RNF215: variants seen among roughly 807,000 people sequenced by gnomAD.
RNF215 encodes ring finger protein 215.
In RNF215, 41 loss-of-function variants were observed where a neutral mutation model predicts 44.8. The ratio of observed to expected loss-of-function variants is 0.92; its 90% CI spans 0.71 to 1.19. The LOEUF (loss-of-function observed/expected upper bound fraction) is 1.19, where lower values mean the gene tolerates loss of function less well. RNF215 is among the 50% of genes most tolerant of loss of function. The pLI is 0.00. For missense variants in RNF215, 452 were observed against 496.2 expected, an observed-to-expected ratio of 0.91 and a Z score of 0.85; for synonymous variants, 218 against 230.1, an observed-to-expected ratio of 0.95 and a Z score of 0.48.
At chr22:30,379,682 G>A in intron 8 of RNF215, 29 bp downstream of exon 8, 1 of 1,552,590 alleles carries the variant, frequency 6.4e-7, no homozygotes, top group South Asian at 1.2e-5. Flanking sequence ...AGGCAGAGTA[G>A]GCCGAGGGAC....
At position 30,386,773 on chromosome 22, in the gene RNF215, G is replaced by A. The variant is rs767960724; in HGVS notation, c.286-14C>T. On this transcript the variant is annotated splice_polypyrimidine_tract_variant and intron_variant, in intron 1 of 8. Transcript: ENST00000382363. ...CACGATGTCCATCTGTGTGGCAAGG[G>A]GCCATGAGCAGAGGGAGGTAGGGTG... is the stretch of plus-strand genomic sequence containing the variant. 10 of 1,599,604 alleles carry A rather than the reference G, an allele frequency of 6.3e-6. No individual in the cohort carries two copies. The East Asian group carries it at 1.1e-4, about 18-fold the overall frequency.
chr22:30,379,003 T>C lies in RNF215; in HGVS notation c.*597A>G, dbSNP rs1933479257. 2 of 153,266 alleles carry C rather than the reference T, an allele frequency of 1.3e-5. No individual in the cohort carries two copies. The highest frequency in any genetic ancestry group is 2.0e-4 in the South Asian group (1 of 4,898). The allele number at this position is 153,266 out of a possible 1,614,324, so 9.5% of individuals were successfully genotyped here. ...AAGGATTCCAGAACAGGACGGTTTC[T>C]AAGACCTCTGGTCCTAGCCAGGCCC... On this transcript the variant is annotated 3_prime_UTR_variant, in exon 9 of 9. Coordinates refer to ENST00000382363, the MANE Select transcript of RNF215 (RefSeq NM_001017981.2).
At chr22:30,386,796 G>A (rs754126408) in intron 1 of RNF215, 37 bp from the exon 2 acceptor site, 6 of 1,586,672 alleles carry the variant, frequency 3.8e-6, no homozygotes, top group Admixed American at 3.4e-5. Context: ...GGGAGGTAGG[G>A]TGTGGTGGGG....
In RNF215 at chr22:30,378,878, T is replaced by TAA. The variant is rs1933476055; in HGVS notation, c.*721_*722insTT. The stretch of plus-strand genomic sequence containing the variant: ...ATTAAACCTTCCCTACTCCAACTCT[T>TAA]TAAAAAAAAAAAAAAAAAAAAAAAA... On this transcript the variant is annotated 3_prime_UTR_variant, in exon 9 of 9. Coordinates refer to ENST00000382363, the MANE Select transcript of RNF215 (RefSeq NM_001017981.2). 1 of 128,538 alleles carries TAA rather than the reference T, an allele frequency of 7.8e-6. No homozygotes were observed. The highest frequency in any genetic ancestry group is 1.7e-5 in the Non-Finnish European group (1 of 58,748). The allele number at this position is 128,538 out of a possible 1,614,324, so 8.0% of individuals were successfully genotyped here. A position where few individuals can be genotyped will look rare whatever the true frequency, so the allele number is the denominator to read the frequency against.
intron 2 of RNF215, 26 bp from the exon 3 acceptor site, chr22:30,386,167 C>T (rs1300708213): frequency 6.4e-7 from 1 of 1,565,638 alleles, no homozygotes; most frequent in South Asian, 1.2e-5. Context: ...AGGCGAGAGG[C>T]TAGCATATAC....
intron 5 of RNF215, among the ~76,000 whole-genome samples, chr22:30,383,968 A>G (rs5753112): frequency 0.5 from 75,696 of 152,040 alleles, 18,959 homozygotes; most frequent in Middle Eastern, 0.62. Context: ...GCCTGGGCAT[A>G]TGCAGTCATT....
In RNF215 at chr22:30,387,231, G is replaced by GGCAGCAGCA. The variant is rs770328641; in HGVS notation, c.74_82dup (p.Leu25_Leu27dup). 23 of 1,000,984 alleles carry GGCAGCAGCA rather than the reference G, an allele frequency of 2.3e-5. No individual in the cohort carries two copies. The highest frequency in any genetic ancestry group is 1.7e-5 in the African/African-American group (1 of 57,262). 62.0% of individuals were successfully genotyped at this position (1,000,984 alleles called of 1,614,324 possible). A position where few individuals can be genotyped will look rare whatever the true frequency, so the allele number is the denominator to read the frequency against. ...CAGGCCCAGCCACAGCGGCAGCAGG[G>GGCAGCAGCA]GCAGCAGCAGCAGCAGCGGAGACGG... On this transcript the variant is annotated inframe_insertion, in exon 1 of 9. Coordinates refer to ENST00000382363, the MANE Select transcript of RNF215 (RefSeq NM_001017981.2).
Position 30,380,837 on chromosome 22 carries a change from C to T in RNF215, c.745-436G>A, listed in dbSNP as rs967950582. On this transcript the variant is annotated intron_variant, in intron 5 of 8. Transcript: ENST00000382363. This position sits in a 1 kb window ranked among gnomAD's most constrained non-coding sequence, Gnocchi z 5.3. The stretch of plus-strand genomic sequence containing the variant: ...GCCCTGCCATCAGCCACTCACCCAT[C>T]CAGCCTGAATGTTCGCACCCCCCTG... 6.6e-6 allele frequency among the ~76,000 whole-genome samples: 1 copy of T among 152,192 alleles called. No homozygotes were observed. The highest frequency in any genetic ancestry group is 6.5e-5 in the Admixed American group (1 of 15,280).
rs1335567462 is a variant in RNF215 at position 30,386,607 on chromosome 22, C to A, written c.429+9G>T. 6.2e-7 allele frequency: 1 copy of A among 1,610,252 alleles called. No homozygotes were observed. Among genetic ancestry groups the A allele is most frequent in the Non-Finnish European group, 8.5e-7 (1 of 1,178,626 alleles). Reference sequence around the variant, plus strand: ...CTCCAGCCCCCTCCCCCATAGACATCCCCTGCACCTGCTGGACCAGGGCCT... The same window carrying A: ...CTCCAGCCCCCTCCCCCATAGACATACCCTGCACCTGCTGGACCAGGGCCT... On this transcript the variant is annotated intron_variant, in intron 2 of 8. Transcript: ENST00000382363.
chr22:30,385,827 AG>A, intron 4 of RNF215, 76 bp downstream of exon 4: 1 of 1,342,172 alleles, frequency 7.5e-7, no homozygotes, highest in Non-Finnish European at 1.1e-6. Flanking sequence ...CCTGGTCCCA[AG>A]CCCCCTCAGT....
chr22:30,383,061 C>T (rs988493294), intron 5 of RNF215, among the ~76,000 whole-genome samples: 3 of 152,154 alleles, frequency 2.0e-5, no homozygotes, highest in African/African-American at 7.2e-5. Context: ...AAGATCGTGC[C>T]ACTGCTGTTC....
intron 5 of RNF215, among the ~76,000 whole-genome samples, chr22:30,381,961 C>T (rs1184313320): frequency 6.6e-6 from 1 of 152,322 alleles, no homozygotes; most frequent in East Asian, 1.9e-4. Context: ...CTTACCCCAG[C>T]AGAGTGACAG....
chr22:30,384,590 G>T, intron 4 of RNF215, 95 bp from the exon 5 acceptor site: 1 of 1,123,652 alleles, frequency 8.9e-7, no homozygotes, highest in South Asian at 1.5e-5. Flanking sequence ...GGATACCTAC[G>T]ACTGTCGCCC....
intron 4 of RNF215, among the ~76,000 whole-genome samples, chr22:30,385,487 C>A (rs1017898618): frequency 2.0e-5 from 3 of 149,416 alleles, no homozygotes; most frequent in Non-Finnish European, 4.4e-5. Flanking sequence ...ACAGTGGCAG[C>A]AGGGGCAGCA....
intron 2 of RNF215, 56 bp downstream of exon 2, chr22:30,386,559 AG>A: frequency 1.3e-6 from 2 of 1,569,430 alleles, no homozygotes; most frequent in South Asian, 2.4e-5. Flanking sequence ...GCCTGGCTCT[AG>A]CAGATGCCTT....
chr22:30,379,729 A>C lies in RNF215; in HGVS notation c.1093T>G (p.Cys365Gly). Residue 365 changes from cysteine (C) to glycine (G), a missense_variant, in exon 8 of 9, where the codon TGC becomes GGC. Cys to Gly is a radical substitution (Grantham distance 159). Coordinates refer to ENST00000382363, the MANE Select transcript of RNF215 (RefSeq NM_001017981.2). ...TGCTCACCCAGGACGTTGAATTTGC[A>C]CAGTGGGCAGGTCTGCTGGAGCATC... Reference protein sequence around the residue: ...WLMLQQTCPLCKFNVLGNRYS... With the variant: ...WLMLQQTCPLGKFNVLGNRYS... 1 of 1,562,100 alleles carries C rather than the reference A, an allele frequency of 6.4e-7. No individual in the cohort carries two copies. Among genetic ancestry groups the C allele is most frequent in the African/African-American group, 1.4e-5 (1 of 73,854 alleles).
rs959291256 is a variant in RNF215, at chr22:30,380,102, T to C, written c.968A>G (p.Glu323Gly). The C allele has an allele frequency of 6.2e-7, 1 of 1,613,542 alleles. No homozygotes were observed. The highest frequency in any genetic ancestry group is 8.5e-7 in the Non-Finnish European group (1 of 1,179,882). ...GTAGTCCAGGCACACCGCACAGGTC[T>C]CAGCACCCGGATCTGGGAGGCCCTG... ...AAQGLPDPGA[E>G]TCAVCLDYFC... Residue 323 changes from glutamate to glycine, a missense_variant, in exon 7 of 9, where the codon GAG becomes GGG. Glu to Gly is a moderately conservative substitution (Grantham distance 98). Transcript: ENST00000382363. This position sits in a 1 kb window ranked among gnomAD's most constrained non-coding sequence, Gnocchi z 5.3.
Position 30,379,608 on chromosome 22 carries a change from C to A in RNF215, c.1126G>T (p.Asp376Tyr). 2 of 1,550,990 alleles carry A rather than the reference C, an allele frequency of 1.3e-6. No homozygotes were observed. The highest frequency in any genetic ancestry group is 1.7e-6 in the Non-Finnish European group (2 of 1,147,042). The change falls in exon 9 of 9, where the codon GAT (aspartate) becomes TAT (tyrosine). Residue 376 changes from aspartate (D) to tyrosine (Y), a missense_variant. By Grantham distance (160) the Asp-to-Tyr change is radical. Coordinates refer to ENST00000382363, the MANE Select transcript of RNF215 (RefSeq NM_001017981.2). ...KFNVLGNRYS[D>Y]D is the part of the protein sequence containing the mutation. ...AGAGTCCAGCTGGGCAGCTAATCAT[C>A]GGAGTAGCGGTTCCCTGCAGGGGAG...
chr22:30,379,775 T>G lies in RNF215; in HGVS notation c.1047A>C (p.Arg349=). The G allele has an allele frequency of 6.4e-7, 1 of 1,569,552 alleles. No individual in the cohort carries two copies. The highest frequency in any genetic ancestry group is 1.3e-5 in the African/African-American group (1 of 74,096). The stretch of plus-strand genomic sequence containing the variant: ...GCATCAGCCAGGGGTCCACACAGTC[T>G]CGGTGAAACTCGTGCTTACAGGGCA... The part of the protein sequence containing the change: ...RVLPCKHEFH[R]DCVDPWLMLQ... Residue 349 remains arginine, a synonymous_variant, in exon 8 of 9, where the codon CGA becomes CGC. Coordinates refer to ENST00000382363, the MANE Select transcript of RNF215 (RefSeq NM_001017981.2).
Sources: gnomAD v4.1 joint callset for allele counts (sites outside exome capture counted in the v4.1 genomes callset) on GRCh38, gnomAD v4.1.1 for gene constraint, Gnocchi (gnomAD v3.1) non-coding constraint, MANE v1.5 for transcripts, NCBI Gene and HGNC (gene_info 2026-07-23, HGNC 2026-07-21) for gene names.